STARD13: variants seen among roughly 807,000 people sequenced by gnomAD.
STARD13 encodes stAR-related lipid transfer protein 13.
In STARD13, 62 loss-of-function variants were observed where a neutral mutation model predicts 106.4. The observed-to-expected ratio is 0.58, with a 90% confidence interval of 0.48 to 0.72. The LOEUF (loss-of-function observed/expected upper bound fraction) is 0.72. Among genes scored for constraint, STARD13 ranks in the 30% least tolerant of loss-of-function variants. The probability of loss-of-function intolerance (pLI) is 0.00; values close to 1 mark genes in which losing one functional copy is unlikely to be tolerated. For synonymous variants in STARD13, 565 were observed against 553.0 expected (o/e 1.02, Z -0.31); for missense variants, 1,387 against 1,424.0 (o/e 0.97, Z 0.42).
At position 33,110,736 on chromosome 13, in the gene STARD13, C is replaced by G; in HGVS notation, c.2779G>C (p.Gly927Arg). ...TCCGTGCTGGAGCACGTGACCCATC[C>G]TTTGAACTTCTCCTTGGCTTCTTTC... ...LQKEAKEKFK[G>R]WVTCSSTDNT... The change falls in exon 11 of 14, where the codon GGA becomes CGA. Residue 927 changes from glycine to arginine, a missense_variant. Coordinates refer to ENST00000336934, the MANE Select transcript of STARD13 (RefSeq NM_178006.4). The G allele has an allele frequency of 6.2e-7, 1 of 1,614,248 alleles. No individual in the cohort carries two copies. Among genetic ancestry groups the G allele is most frequent in the Non-Finnish European group, 8.5e-7 (1 of 1,180,038 alleles).
At chr13:33,632,448 T>C in the STARD13 span, among the ~76,000 whole-genome samples, 1 of 152,212 alleles carries the variant, frequency 6.6e-6, no homozygotes, top group East Asian at 1.9e-4. Flanking sequence ...CAGAATATCA[T>C]TGGTAAGCCA....
chr13:33,580,380 C>T, the STARD13 span, among the ~76,000 whole-genome samples: 10 of 151,840 alleles, frequency 6.6e-5, no homozygotes, highest in Non-Finnish European at 1.0e-4. Flanking sequence ...CAGTGGTTGC[C>T]GTGGGCTTAG....
Position 33,105,808 on chromosome 13 carries a change from A to C in STARD13, c.3225-98T>G, listed in dbSNP as rs926675296. ...GGGCTGCCCTTGGGCCCCGATGACC[A>C]GTGAACCTGCAGACAGCTCGGGCTG... On this transcript the variant is annotated intron_variant, in intron 13 of 13. Coordinates refer to ENST00000336934, the MANE Select transcript of STARD13 (RefSeq NM_178006.4). 4 of 975,230 alleles carry C rather than the reference A, an allele frequency of 4.1e-6. No homozygotes were observed. In the African/African-American group the frequency reaches 6.4e-5, roughly 16 times the overall value. 60.4% of individuals were successfully genotyped at this position (975,230 alleles called of 1,614,324 possible).
At chr13:33,414,171 AAG>A in the STARD13 span, among the ~76,000 whole-genome samples, 1 of 152,230 alleles carries the variant, frequency 6.6e-6, no homozygotes, top group Non-Finnish European at 1.5e-5. Flanking sequence ...AAAAATAGAG[AAG>A]ACACTAAATT....
At chr13:33,444,855 A>T in the STARD13 span, among the ~76,000 whole-genome samples, 1 of 152,196 alleles carries the variant, frequency 6.6e-6, no homozygotes, top group East Asian at 1.9e-4. Context: ...TTAATTTTGT[A>T]ATACCTCCAA....
chr13:33,552,309 A>C, the STARD13 span, among the ~76,000 whole-genome samples: 2 of 152,166 alleles, frequency 1.3e-5, no homozygotes, highest in African/African-American at 2.4e-5. Context: ...CACCAACTCT[A>C]TCCACCAAAC....
chr13:33,641,565 G>A, the STARD13 span, among the ~76,000 whole-genome samples: 3 of 152,160 alleles, frequency 2.0e-5, no homozygotes, highest in African/African-American at 4.8e-5. Context: ...AGACAGGAGG[G>A]CAGGAGAAGA....
chr13:33,551,092 A>T, the STARD13 span, among the ~76,000 whole-genome samples: 4 of 152,310 alleles, frequency 2.6e-5, no homozygotes, highest in African/African-American at 9.6e-5. Flanking sequence ...AATAAGCAAA[A>T]CAAAACAACA....
chr13:33,595,858 C>G, the STARD13 span, among the ~76,000 whole-genome samples: 326 of 152,224 alleles, frequency 2.1e-3, 1 homozygote, highest in African/African-American at 7.4e-3. Flanking sequence ...TCTGTTAAAA[C>G]AAACAAACAA....
At chr13:33,226,111 G>A (rs574668601) in intron 1 of STARD13, among the ~76,000 whole-genome samples, 1 of 152,336 alleles carries the variant, frequency 6.6e-6, no homozygotes, top group African/African-American at 2.4e-5. Flanking sequence ...GCCCTCACCA[G>A]AACCCAACCA....
the STARD13 span, among the ~76,000 whole-genome samples, chr13:33,512,417 A>G: frequency 5.3e-5 from 8 of 152,162 alleles, no homozygotes; most frequent in Non-Finnish European, 1.0e-4. Context: ...GAAGTGTTAG[A>G]GTCCTTAGAG....
intron 1 of STARD13, among the ~76,000 whole-genome samples, chr13:33,267,549 T>C (rs1890957324): frequency 6.6e-6 from 1 of 152,192 alleles, no homozygotes. Context: ...GAATGCGTTG[T>C]TATATCCCAA....
At chr13:33,228,440 G>GC (rs1888731352) in intron 1 of STARD13, among the ~76,000 whole-genome samples, 1 of 148,284 alleles carries the variant, frequency 6.7e-6, no homozygotes, top group Non-Finnish European at 1.5e-5. Context: ...CATTTACAGT[G>GC]TTTTTTTTTT....
chr13:33,629,080 T>C, the STARD13 span, among the ~76,000 whole-genome samples: 1 of 152,222 alleles, frequency 6.6e-6, no homozygotes, highest in Non-Finnish European at 1.5e-5. Flanking sequence ...GGTAGCTGCA[T>C]AAAGAGACAG....
At chr13:33,499,511 C>T in the STARD13 span, among the ~76,000 whole-genome samples, 2 of 69,146 alleles carry the variant, frequency 2.9e-5, 1 homozygote, top group African/African-American at 1.4e-4. Context: ...TCTTCTTCTT[C>T]TTCTTTCTTT....
the STARD13 span, among the ~76,000 whole-genome samples, chr13:33,583,341 C>T: frequency 6.6e-6 from 1 of 152,250 alleles, no homozygotes; most frequent in East Asian, 1.9e-4. Context: ...AATTTTATGC[C>T]AAGCAAGGAT....
chr13:33,280,167 C>T (rs557914579), intron 1 of STARD13: 1 of 152,286 alleles, frequency 6.6e-6, no homozygotes, highest in South Asian at 2.1e-4. Flanking sequence ...CTGACATTAC[C>T]CAGTTGCTGG....
the STARD13 span, among the ~76,000 whole-genome samples, chr13:33,475,842 A>C: frequency 6.6e-6 from 1 of 152,124 alleles, no homozygotes; most frequent in African/African-American, 2.4e-5. Flanking sequence ...CTGTAGTCCC[A>C]GCTACTCAGG....
rs1046511397 is a variant in STARD13, at chr13:33,105,500, CCT to C, written c.*91_*92del. On this transcript the variant is annotated 3_prime_UTR_variant, in exon 14 of 14. Transcript: ENST00000336934. ...TAGGCATTAACCGCGTCCTTCAGTT[CCT>C]CTTTCTCTCGCTTTCTCACATGCAC... The C allele has an allele frequency of 1.1e-6, 1 of 889,030 alleles. No homozygotes were observed. Among genetic ancestry groups the C allele is most frequent in the Non-Finnish European group, 1.9e-6 (1 of 539,906 alleles). 55.1% of individuals were successfully genotyped at this position (889,030 alleles called of 1,614,324 possible).
Sources: gnomAD v4.1 joint callset for allele counts (sites outside exome capture counted in the v4.1 genomes callset) on GRCh38, gnomAD v4.1.1 for gene constraint, MANE v1.5 for transcripts, NCBI Gene and HGNC (gene_info 2026-07-23, HGNC 2026-07-21) for gene names.